The following RMDN2 variants were observed in gnomAD, a reference collection of about 807,000 sequenced individuals.
The protein encoded by RMDN2 is regulator of microtubule dynamics 2.
Under a neutral mutation model 52.8 loss-of-function variants are expected in RMDN2, and 61 were observed. That is an observed-to-expected ratio of 1.16 (90% confidence interval 0.94 to 1.43). RMDN2 has a LOEUF of 1.43. Ranked by LOEUF, RMDN2 falls within the 40% of genes most tolerant of loss-of-function variation. The pLI, the probability that RMDN2 is intolerant of heterozygous loss-of-function variation, is 0.00. For synonymous variants in RMDN2, 180 were observed against 153.1 expected (o/e 1.18, Z -1.30); for missense variants, 592 against 475.3 (o/e 1.25, Z -2.28).
At chr2:37,952,148 T>C (rs1341823045) in intron 2 of RMDN2, 1 of 1,613,132 alleles carries the variant, frequency 6.2e-7, no homozygotes. Flanking sequence ...AAGACTTTGC[T>C]GTCTTGTTTC....
At chr2:37,983,699 G>C (rs1673622429) in intron 5 of RMDN2, among the ~76,000 whole-genome samples, 1 of 152,024 alleles carries the variant, frequency 6.6e-6, no homozygotes, top group Non-Finnish European at 1.5e-5. Flanking sequence ...AGAAGCAATG[G>C]GTGAAATTTA....
At chr2:38,039,786 C>T (rs1680840277) in intron 10 of RMDN2, among the ~76,000 whole-genome samples, 3 of 152,136 alleles carry the variant, frequency 2.0e-5, no homozygotes, top group Admixed American at 6.5e-5. Context: ...TCCAGTGTCG[C>T]CATCTGACCC....
intron 10 of RMDN2, chr2:38,066,933 A>C: frequency 6.2e-7 from 1 of 1,607,790 alleles, no homozygotes; most frequent in Non-Finnish European, 8.5e-7. Flanking sequence ...CAAAGTTTCA[A>C]TGCCATTTTG....
intron 1 of RMDN2, among the ~76,000 whole-genome samples, chr2:37,925,839 T>TGG (rs1306006049): frequency 1.3e-5 from 2 of 152,226 alleles, no homozygotes; most frequent in East Asian, 3.8e-4. Context: ...TTTGTTTGTG[T>TGG]GGGGTTTTTT....
chr2:38,012,610 TCCA>T, intron 10 of RMDN2: 1 of 468,384 alleles, frequency 2.1e-6, no homozygotes. Flanking sequence ...CAGTGATGTC[TCCA>T]TTTGTATTCT....
intron 4 of RMDN2, among the ~76,000 whole-genome samples, chr2:37,977,621 A>C (rs1672689441): frequency 6.7e-6 from 1 of 150,350 alleles, no homozygotes; most frequent in African/African-American, 2.5e-5. Context: ...GGCCGCTCAG[A>C]GACCTCCTCA....
At chr2:37,963,202 C>G (rs1232189339) in intron 2 of RMDN2, 3 of 152,180 alleles carry the variant, frequency 2.0e-5, no homozygotes, top group African/African-American at 7.2e-5. Context: ...CTCTGTGAAA[C>G]ATTTTGAAAA....
chr2:38,030,668 G>A (rs921627335), intron 10 of RMDN2: 1 of 152,128 alleles, frequency 6.6e-6, no homozygotes, highest in African/African-American at 2.4e-5. Context: ...CAGTATTTCA[G>A]TGAAACCTTT....
rs3057329 is a variant in RMDN2 at position 38,041,427 on chromosome 2, G to GTTTTTTTTTTTTTTTTTTTGTTTT, written c.1714-25539_1714-25538insTTTGTTTTTTTTTTTTTTTTTTTT. Among the ~76,000 whole-genome samples the GTTTTTTTTTTTTTTTTTTTGTTTT allele has an allele frequency of 2.5e-5, 3 of 120,092 alleles. 1 individual carries two copies. Among genetic ancestry groups the GTTTTTTTTTTTTTTTTTTTGTTTT allele is most frequent in the Non-Finnish European group, 4.9e-5 (3 of 61,274 alleles). The allele number at this position is 120,092 out of a possible 152,430, so 78.8% of individuals were successfully genotyped here. A position where few individuals can be genotyped will look rare whatever the true frequency, so the allele number is the denominator to read the frequency against. On this transcript the variant is annotated intron_variant, in intron 10 of 10. Transcript: ENST00000234195. ...TCTTCTTTCCTCATTTTTTTTATTG[G>GTTTTTTTTTTTTTTTTTTTGTTTT]TTTTTTTTTTTTTTTTGGACGTTTT...
At chr2:38,038,312 T>C (rs1240944204) in intron 10 of RMDN2, among the ~76,000 whole-genome samples, 1 of 152,138 alleles carries the variant, frequency 6.6e-6, no homozygotes, top group African/African-American at 2.4e-5. Flanking sequence ...CGAGTCTCTT[T>C]GTGCAGCACT....
chr2:38,008,143 G>C (rs149743965), intron 10 of RMDN2, among the ~76,000 whole-genome samples: 1 of 152,136 alleles, frequency 6.6e-6, no homozygotes, highest in Non-Finnish European at 1.5e-5. Context: ...GTCAATTTTG[G>C]AATAAGTGTG....
At chr2:38,014,738 A>G (rs1040009550) in intron 10 of RMDN2, among the ~76,000 whole-genome samples, 3 of 152,340 alleles carry the variant, frequency 2.0e-5, no homozygotes, top group East Asian at 1.9e-4. Flanking sequence ...AAAGAGAGAG[A>G]TTATCTTTAT....
intron 10 of RMDN2, among the ~76,000 whole-genome samples, chr2:38,013,143 A>C (rs1053438633): frequency 4.6e-5 from 7 of 152,208 alleles, no homozygotes; most frequent in Non-Finnish European, 1.0e-4. Flanking sequence ...TTCTTTTTTA[A>C]AAAAGGGATT....
intron 2 of RMDN2, among the ~76,000 whole-genome samples, chr2:37,955,590 T>A (rs1177455879): frequency 6.6e-6 from 1 of 152,094 alleles, no homozygotes; most frequent in Non-Finnish European, 1.5e-5. Context: ...AATTGAATCA[T>A]GGGGGCCGAT....
chr2:38,013,931 G>T (rs192057234), intron 10 of RMDN2, among the ~76,000 whole-genome samples: 17 of 152,352 alleles, frequency 1.1e-4, no homozygotes, highest in African/African-American at 4.1e-4. Context: ...AGGCAGCCGG[G>T]CGTCGTGGCT....
chr2:38,019,885 A>G (rs2125254903), downstream of RMDN2, among the ~76,000 whole-genome samples: 1 of 152,266 alleles, frequency 6.6e-6, no homozygotes, highest in East Asian at 1.9e-4. Flanking sequence ...TAATTGCGCC[A>G]CTACACTCCA....
chr2:38,049,212 C>T (rs1481725565), intron 10 of RMDN2, among the ~76,000 whole-genome samples: 3 of 152,142 alleles, frequency 2.0e-5, no homozygotes, highest in Non-Finnish European at 4.4e-5. Context: ...AAGTCTACCT[C>T]ATTAGGAGCC....
chr2:37,998,042 C>T (rs150940913), intron 8 of RMDN2: 14 of 160,416 alleles, frequency 8.7e-5, no homozygotes, highest in South Asian at 7.6e-4. Context: ...AATGTATAAT[C>T]GCTGTACTAT....
intron 2 of RMDN2, among the ~76,000 whole-genome samples, chr2:37,950,795 A>G (rs1668682940): frequency 6.6e-6 from 1 of 152,142 alleles, no homozygotes; most frequent in African/African-American, 2.4e-5. Context: ...AACAGAATAT[A>G]AGTTTATTCT....
Sources: gnomAD v4.1 joint callset for allele counts (sites outside exome capture counted in the v4.1 genomes callset) on GRCh38, gnomAD v4.1.1 for gene constraint, MANE v1.5 for transcripts, NCBI Gene and HGNC (gene_info 2026-07-23, HGNC 2026-07-21) for gene names.